Variants in GAB2 observed in about 807,000 individuals in gnomAD.
The protein encoded by GAB2 is GRB2-associated-binding protein 2.
In GAB2, 26 loss-of-function variants were observed where a neutral mutation model predicts 65.5. The ratio of observed to expected loss-of-function variants is 0.40; its 90% CI spans 0.29 to 0.55. GAB2 has a LOEUF of 0.55. Ranked by LOEUF, GAB2 falls within the 20% of genes least tolerant of loss-of-function variation. GAB2 has a pLI of 0.53. For synonymous variants in GAB2, 321 were observed against 329.6 expected (o/e 0.97, Z 0.28); for missense variants, 884 against 875.8 (o/e 1.01, Z -0.12).
At position 78,386,955 on chromosome 11, in the gene GAB2, T is replaced by G. The variant is rs115812587; in HGVS notation, c.75+30691A>C. Among the ~76,000 whole-genome samples the G allele has an allele frequency of 9.3e-3, 1,410 of 152,372 alleles. 25 individuals carry two copies. The highest frequency in any genetic ancestry group is 0.032 in the African/African-American group (1,338 of 41,588). On this transcript the variant is annotated intron_variant, in intron 1 of 9. Transcript: ENST00000361507. The stretch of plus-strand genomic sequence containing the variant: ...AGCCTTCTATATATTTATTATTTCA[T>G]AAAATTGTACTTTTAAATCAAAATG...
intron 3 of GAB2, among the ~76,000 whole-genome samples, chr11:78,241,696 G>A (rs1218058367): frequency 6.6e-6 from 1 of 152,004 alleles, no homozygotes; most frequent in East Asian, 1.9e-4. Context: ...CAGCAAACTT[G>A]ATCAATTAGA....
chr11:78,339,160 A>C (rs1856052654), intron 1 of GAB2, among the ~76,000 whole-genome samples: 1 of 152,078 alleles, frequency 6.6e-6, no homozygotes, highest in Admixed American at 6.6e-5. Flanking sequence ...TCCTGGCCTC[A>C]ACTGATCTAC....
chr11:78,275,366 T>C (rs938112713), intron 2 of GAB2, among the ~76,000 whole-genome samples: 2 of 152,104 alleles, frequency 1.3e-5, no homozygotes, highest in Non-Finnish European at 1.5e-5. Context: ...TTAAATGAAA[T>C]AGGCTACTAA....
chr11:78,389,771 C>T (rs1856810732), intron 1 of GAB2, among the ~76,000 whole-genome samples: 1 of 152,106 alleles, frequency 6.6e-6, no homozygotes, highest in Admixed American at 6.5e-5. Flanking sequence ...AATTGAGACA[C>T]CATAAAGTTG....
chr11:78,412,020 A>G (rs1048844672), intron 1 of GAB2, among the ~76,000 whole-genome samples: 2 of 150,416 alleles, frequency 1.3e-5, no homozygotes, highest in African/African-American at 5.0e-5. Context: ...ACAGAGTGAG[A>G]ATCTGTCTAA....
chr11:78,414,839 CT>C (rs1216028282), intron 1 of GAB2, among the ~76,000 whole-genome samples: 3 of 152,156 alleles, frequency 2.0e-5, no homozygotes, highest in African/African-American at 7.2e-5. Context: ...TGTTTTTCCC[CT>C]CTACACCTTC....
chr11:78,231,336 GGTGTGTGT>G (rs58651538), intron 3 of GAB2, among the ~76,000 whole-genome samples: 12 of 145,898 alleles, frequency 8.2e-5, no homozygotes, highest in Middle Eastern at 3.5e-3. Context: ...GCGCGTGTGT[GGTGTGTGT>G]GTGTGTGTGT....
At chr11:78,405,905 C>T (rs1045695018) in intron 1 of GAB2, among the ~76,000 whole-genome samples, 2 of 152,178 alleles carry the variant, frequency 1.3e-5, no homozygotes, top group South Asian at 4.1e-4. Flanking sequence ...AGCAGCCTAG[C>T]AAGAGACGAA....
At chr11:78,302,916 A>T (rs1867071496) in intron 1 of GAB2, among the ~76,000 whole-genome samples, 1 of 152,246 alleles carries the variant, frequency 6.6e-6, no homozygotes, top group East Asian at 1.9e-4. Context: ...GATGGAGACT[A>T]TTATTCTAAG....
chr11:78,266,033 G>A (rs965376893), intron 2 of GAB2, among the ~76,000 whole-genome samples: 1 of 151,716 alleles, frequency 6.6e-6, no homozygotes. Flanking sequence ...TGACCAACAT[G>A]GTGAAACCCC....
intron 1 of GAB2, among the ~76,000 whole-genome samples, chr11:78,373,955 G>A (rs1471712213): frequency 1.3e-5 from 2 of 152,190 alleles, no homozygotes; most frequent in Non-Finnish European, 2.9e-5. Flanking sequence ...CTTGTTAAAG[G>A]AATTAGTTCT....
At chr11:78,322,079 C>T (rs368353850) in intron 1 of GAB2, among the ~76,000 whole-genome samples, 7 of 151,578 alleles carry the variant, frequency 4.6e-5, no homozygotes, top group Non-Finnish European at 7.4e-5. Context: ...CCGAGGTGGG[C>T]GGGTCACCTG....
chr11:78,378,242 T>C (rs1271095637), intron 1 of GAB2, among the ~76,000 whole-genome samples: 1 of 152,154 alleles, frequency 6.6e-6, no homozygotes, highest in Non-Finnish European at 1.5e-5. Flanking sequence ...ACAGCTTGCC[T>C]ACAGGAAAAA....
At chr11:78,382,169 T>C (rs1166500940) in intron 1 of GAB2, among the ~76,000 whole-genome samples, 1 of 152,198 alleles carries the variant, frequency 6.6e-6, no homozygotes, top group Admixed American at 6.5e-5. Context: ...TGTACCCTCC[T>C]CTGTGCTCTC....
In GAB2 at chr11:78,217,928, T is replaced by A. The variant is rs1864230580; in HGVS notation, c.*1344A>T. 3.3e-5 allele frequency: 5 copies of A among 152,664 alleles called. No individual in the cohort carries two copies. Among genetic ancestry groups the A allele is most frequent in the African/African-American group, 1.2e-4 (5 of 41,406 alleles). 9.5% of individuals were successfully genotyped at this position (152,664 alleles called of 1,614,324 possible). On this transcript the variant is annotated 3_prime_UTR_variant, in exon 10 of 10. Coordinates refer to ENST00000361507, the MANE Select transcript of GAB2 (RefSeq NM_080491.3). The stretch of plus-strand genomic sequence containing the variant: ...CCTCTAGGCATCATTCTGCCCTGCT[T>A]TCTCCTTGTCCTGCCTGACCCACTG...
intron 1 of GAB2, among the ~76,000 whole-genome samples, chr11:78,396,471 TTAAAA>T (rs1439936645): frequency 2.0e-5 from 3 of 152,244 alleles, no homozygotes; most frequent in Non-Finnish European, 2.9e-5. Flanking sequence ...AAAGAAATAA[TTAAAA>T]TAATTTAATT....
Position 78,322,951 on chromosome 11 carries a change from A to G in GAB2, c.76-42050T>C, listed in dbSNP as rs563064211. ...TAAAAATAGAACTACCATTCAACTCAGCAATCCCATTACTGAGTATATGTA... is the reference window on the plus strand; with the variant it reads ...TAAAAATAGAACTACCATTCAACTCGGCAATCCCATTACTGAGTATATGTA... On this transcript the variant is annotated intron_variant, in intron 1 of 9. Transcript: ENST00000361507. Among the ~76,000 whole-genome samples, 5 of 152,336 alleles carry G rather than the reference A, an allele frequency of 3.3e-5. No homozygotes were observed. The South Asian group carries it at 1.0e-3, about 32-fold the overall frequency.
chr11:78,230,872 G>A (rs955675256), intron 3 of GAB2, among the ~76,000 whole-genome samples: 2 of 152,194 alleles, frequency 1.3e-5, no homozygotes, highest in African/African-American at 4.8e-5. Flanking sequence ...CAGTCTTATG[G>A]CCTTTAGTAT....
At chr11:78,310,780 G>A (rs1855483627) in intron 1 of GAB2, among the ~76,000 whole-genome samples, 3 of 152,254 alleles carry the variant, frequency 2.0e-5, no homozygotes, top group South Asian at 4.1e-4. Flanking sequence ...TGCAGCTTCA[G>A]GTGTGGGAAA....
Sources: allele counts gnomAD v4.1 joint callset (sites outside exome capture counted in the v4.1 genomes callset), GRCh38; gene constraint gnomAD v4.1.1; transcripts MANE v1.5; gene names NCBI Gene and HGNC (gene_info 2026-07-23, HGNC 2026-07-21).